The following GPC6 variants were observed in gnomAD, a reference collection of about 807,000 sequenced individuals.
GPC6 encodes glypican-6.
In GPC6, 14 loss-of-function variants were observed where a neutral mutation model predicts 55.2. The observed-to-expected ratio is 0.25, with a 90% CI of 0.17 to 0.40. The LOEUF (loss-of-function observed/expected upper bound fraction) is 0.40. GPC6 is among the 10% of genes least tolerant of loss of function. The probability of loss-of-function intolerance (pLI) is 1.00; values close to 1 mark genes in which losing one functional copy is unlikely to be tolerated. For missense variants in GPC6, 641 were observed against 708.5 expected (o/e 0.90, Z 1.08); for synonymous variants, 278 against 259.6 (o/e 1.07, Z -0.68).
intron 1 of GPC6, among the ~76,000 whole-genome samples, chr13:93,394,133 A>C (rs1875756687): frequency 6.6e-6 from 1 of 152,184 alleles, no homozygotes; most frequent in African/African-American, 2.4e-5. Context: ...CTACCTCTAT[A>C]AAGTTTTATT....
intron 4 of GPC6, among the ~76,000 whole-genome samples, chr13:94,189,866 A>C (rs1252104563): frequency 6.6e-6 from 1 of 151,902 alleles, no homozygotes; most frequent in Non-Finnish European, 1.5e-5. Flanking sequence ...CTAAAAATAC[A>C]AAAAATTGGC....
At chr13:94,337,050 T>C (rs966206774) in intron 6 of GPC6, among the ~76,000 whole-genome samples, 1 of 152,238 alleles carries the variant, frequency 6.6e-6, no homozygotes, top group Non-Finnish European at 1.5e-5. Flanking sequence ...AAAGAATTTT[T>C]ACACCTCCTT....
intron 4 of GPC6, among the ~76,000 whole-genome samples, chr13:94,203,835 T>C (rs1255705205): frequency 6.6e-6 from 1 of 152,156 alleles, no homozygotes; most frequent in Non-Finnish European, 1.5e-5. Context: ...CAATCCTTAC[T>C]GCATGTCTGA....
chr13:94,245,671 T>C (rs1891174891), intron 4 of GPC6, among the ~76,000 whole-genome samples: 2 of 152,120 alleles, frequency 1.3e-5, no homozygotes, highest in African/African-American at 4.8e-5. Flanking sequence ...CAATCCGTGT[T>C]GTGGCAAATG....
At chr13:93,565,503 C>T (rs2139465070) in intron 2 of GPC6, among the ~76,000 whole-genome samples, 1 of 152,318 alleles carries the variant, frequency 6.6e-6, no homozygotes, top group Non-Finnish European at 1.5e-5. Context: ...ATCGTTTCTT[C>T]ATTAGGAAGT....
chr13:93,295,132 A>AAT (rs1878442126), intron 1 of GPC6, among the ~76,000 whole-genome samples: 1 of 149,184 alleles, frequency 6.7e-6, no homozygotes, highest in African/African-American at 2.5e-5. Flanking sequence ...AAAAAAAAAA[A>AAT]ATACAAATAC....
intron 2 of GPC6, among the ~76,000 whole-genome samples, chr13:93,704,744 A>C (rs1882787135): frequency 6.6e-6 from 1 of 151,970 alleles, no homozygotes; most frequent in Admixed American, 6.6e-5. Context: ...GGGTTTTTGC[A>C]ATGAGCCGAC....
At chr13:94,083,371 G>A (rs942956700) in intron 4 of GPC6, among the ~76,000 whole-genome samples, 2 of 152,132 alleles carry the variant, frequency 1.3e-5, no homozygotes, top group Non-Finnish European at 2.9e-5. Context: ...GCCCACCTTG[G>A]CCTCCCAAAG....
intron 3 of GPC6, among the ~76,000 whole-genome samples, chr13:93,859,459 A>G (rs539444971): frequency 6.3e-4 from 96 of 151,760 alleles, no homozygotes; most frequent in African/African-American, 2.2e-3. Flanking sequence ...TTTACCTTCA[A>G]TTGGCTTAAA....
chr13:94,324,029 G>A (rs908130605), intron 6 of GPC6, among the ~76,000 whole-genome samples: 1 of 152,198 alleles, frequency 6.6e-6, no homozygotes, highest in African/African-American at 2.4e-5. Context: ...TTCCGGCATT[G>A]TTGTCGAATA....
At chr13:93,345,258 C>T (rs1880387596) in intron 1 of GPC6, among the ~76,000 whole-genome samples, 1 of 151,826 alleles carries the variant, frequency 6.6e-6, no homozygotes, top group Non-Finnish European at 1.5e-5. Flanking sequence ...ATGATCACCA[C>T]CAAATTGAAA....
At chr13:94,150,814 G>GTATATACATATATATATATATATA (rs1887710666) in intron 4 of GPC6, among the ~76,000 whole-genome samples, 2 of 100,618 alleles carry the variant, frequency 2.0e-5, no homozygotes, top group Non-Finnish European at 4.1e-5. Context: ...GAGATCAGCA[G>GTATATACATATATATATATATATA]TATATATATA....
intron 4 of GPC6, among the ~76,000 whole-genome samples, chr13:94,230,877 C>T (rs1040857378): frequency 6.6e-6 from 1 of 152,150 alleles, no homozygotes; most frequent in Non-Finnish European, 1.5e-5. Flanking sequence ...TCACTTCAAT[C>T]TTTCCAACAA....
intron 3 of GPC6, among the ~76,000 whole-genome samples, chr13:93,869,667 G>T (rs1057285485): frequency 1.3e-5 from 2 of 151,806 alleles, no homozygotes; most frequent in African/African-American, 2.4e-5. Flanking sequence ...ATTCATGGAT[G>T]TCCATGCATC....
In GPC6 at chr13:93,861,911, C is replaced by T. The variant is rs1045996218; in HGVS notation, c.711+31366C>T. ...TCGGAAGGTTATGCTTGCCTCTCTG[C>T]GCATCACTGTGCCCCTTCAGTAAGA... On this transcript the variant is annotated intron_variant, in intron 3 of 8. Transcript: ENST00000377047. Among the ~76,000 whole-genome samples the T allele has an allele frequency of 9.2e-5, 14 of 151,622 alleles. 1 individual carries two copies. The highest frequency in any genetic ancestry group is 3.1e-4 in the African/African-American group (13 of 41,334).
chr13:93,767,987 T>TA (rs929584498), intron 2 of GPC6, among the ~76,000 whole-genome samples: 18 of 151,150 alleles, frequency 1.2e-4, no homozygotes, highest in East Asian at 7.8e-4. Flanking sequence ...AAATAAGCAC[T>TA]AAAAAAAAAC....
intron 3 of GPC6, among the ~76,000 whole-genome samples, chr13:93,941,465 A>C (rs1878733388): frequency 6.6e-6 from 1 of 152,236 alleles, no homozygotes; most frequent in Non-Finnish European, 1.5e-5. Context: ...CATGTGATTA[A>C]GCAGCAAGCC....
chr13:93,276,477 AGAGAGAGAGAGAGAGAGAGTGT>A (rs1877744510), intron 1 of GPC6, among the ~76,000 whole-genome samples: 1 of 134,070 alleles, frequency 7.5e-6, no homozygotes, highest in African/African-American at 3.2e-5. Context: ...AGAGAGAGAG[AGAGAGAGAGAGAGAGAGAGTGT>A]GTGTGTGTGT....
In GPC6 at chr13:93,870,047, GT is replaced by G. The variant is rs569689855; in HGVS notation, c.711+39505del. Among the ~76,000 whole-genome samples, 118 of 151,962 alleles carry G rather than the reference GT, an allele frequency of 7.8e-4. 1 individual carries two copies. The highest frequency in any genetic ancestry group is 1.5e-3 in the African/African-American group (61 of 41,526). On this transcript the variant is annotated intron_variant, in intron 3 of 8. Coordinates refer to ENST00000377047, the MANE Select transcript of GPC6 (RefSeq NM_005708.5). ...ATATGATGTTTCTCAAGATAAAAGT[GT>G]TTGGAAGATTCAGGATTTGAATCCT...
Sources: gnomAD v4.1 joint callset for allele counts (sites outside exome capture counted in the v4.1 genomes callset) on GRCh38, gnomAD v4.1.1 for gene constraint, MANE v1.5 for transcripts, NCBI Gene and HGNC (gene_info 2026-07-23, HGNC 2026-07-21) for gene names.